Variants in EXOC2 observed in about 807,000 individuals in gnomAD.
EXOC2 encodes the protein SEC5-like 1.
EXOC2 carries 70 observed loss-of-function variants against 131.8 expected under a neutral mutation model. That is an observed-to-expected ratio of 0.53 (90% CI 0.44 to 0.65). EXOC2 has a LOEUF of 0.65. Ranked by LOEUF, EXOC2 falls within the 30% of genes least tolerant of loss-of-function variation. The pLI is 0.00. For synonymous variants in EXOC2, 411 were observed against 398.4 expected, an observed-to-expected ratio of 1.03 and a Z score of -0.38; for missense variants, 923 against 1,108.6, an observed-to-expected ratio of 0.83 and a Z score of 2.38.
chr6:535,879 G>C (rs1766414882), intron 22 of EXOC2, among the ~76,000 whole-genome samples: 2 of 152,056 alleles, frequency 1.3e-5, no homozygotes, highest in Admixed American at 1.3e-4. Context: ...CATGAACAAA[G>C]ACATAAAAAC....
intron 4 of EXOC2, among the ~76,000 whole-genome samples, chr6:628,130 G>A (rs558990752): frequency 2.6e-4 from 40 of 152,182 alleles, no homozygotes; most frequent in African/African-American, 8.7e-4. Context: ...TCCTCGCATC[G>A]ACCCTAAGGA....
At chr6:583,737 T>C (rs1212453000) in intron 11 of EXOC2, among the ~76,000 whole-genome samples, 1 of 152,220 alleles carries the variant, frequency 6.6e-6, no homozygotes, top group Non-Finnish European at 1.5e-5. Context: ...AAGCATTTCA[T>C]CTTCCAAAGA....
At chr6:607,552 T>C (rs1038754406) in intron 7 of EXOC2, among the ~76,000 whole-genome samples, 3 of 152,244 alleles carry the variant, frequency 2.0e-5, no homozygotes, top group Non-Finnish European at 2.9e-5. Context: ...ACACAGTAAC[T>C]ACCAGCCACA....
At chr6:623,380 G>A (rs1486903817) in intron 4 of EXOC2, among the ~76,000 whole-genome samples, 4 of 152,172 alleles carry the variant, frequency 2.6e-5, no homozygotes, top group Non-Finnish European at 4.4e-5. Flanking sequence ...CCCTAAGACG[G>A]AGCTGATTAT....
At chr6:557,600 A>G (rs1757484844) in intron 17 of EXOC2, among the ~76,000 whole-genome samples, 1 of 135,962 alleles carries the variant, frequency 7.4e-6, no homozygotes. Flanking sequence ...CCTGGGTGAC[A>G]GAGAGAGACT....
chr6:560,746 T>C (rs1301683761), intron 17 of EXOC2, among the ~76,000 whole-genome samples: 1 of 151,972 alleles, frequency 6.6e-6, no homozygotes, highest in Non-Finnish European at 1.5e-5. Flanking sequence ...TTGCTCTTGT[T>C]GCCCAGGCTG....
chr6:633,976 T>A (rs1452599069), intron 2 of EXOC2, among the ~76,000 whole-genome samples: 7 of 152,178 alleles, frequency 4.6e-5, no homozygotes. Context: ...TCCTTTAGAT[T>A]TTCCATTTCC....
chr6:663,367 C>CA (rs1763502143), intron 1 of EXOC2, among the ~76,000 whole-genome samples: 1 of 152,028 alleles, frequency 6.6e-6, no homozygotes, highest in African/African-American at 2.4e-5. Context: ...ACCAAACACT[C>CA]AAAGAATTGG....
At chr6:617,871 C>A (rs1306671457) in intron 5 of EXOC2, 36 bp from the exon 6 acceptor site, 3 of 1,598,378 alleles carry the variant, frequency 1.9e-6, no homozygotes, top group Admixed American at 1.8e-5. Flanking sequence ...TTTGACACTT[C>A]TAACATGCAA....
chr6:648,100 A>G (rs9504592), intron 1 of EXOC2, among the ~76,000 whole-genome samples: 2,800 of 152,302 alleles, frequency 0.018, 88 homozygotes, highest in African/African-American at 0.062. Context: ...ATTTACAAAT[A>G]TAAGAACATA....
At chr6:546,044 A>G (rs1291030992) in intron 22 of EXOC2, among the ~76,000 whole-genome samples, 2 of 152,172 alleles carry the variant, frequency 1.3e-5, no homozygotes, top group Non-Finnish European at 2.9e-5. Flanking sequence ...TAGGATATAT[A>G]AAGTCATGGT....
intron 1 of EXOC2, among the ~76,000 whole-genome samples, chr6:639,747 G>A (rs1311800349): frequency 6.6e-6 from 1 of 152,196 alleles, no homozygotes; most frequent in Non-Finnish European, 1.5e-5. Flanking sequence ...ACTCTAAGAT[G>A]TGGGAGGCGT....
chr6:602,396 C>T (rs1760145299), intron 7 of EXOC2, among the ~76,000 whole-genome samples: 1 of 33,738 alleles, frequency 3.0e-5, no homozygotes, highest in Non-Finnish European at 6.1e-5. Flanking sequence ...ACCAAGAACA[C>T]CCCGTGTGCG....
chr6:562,730 T>A, intron 17 of EXOC2, 54 bp downstream of exon 17: 1 of 1,261,126 alleles, frequency 7.9e-7, no homozygotes, highest in South Asian at 1.5e-5. Flanking sequence ...TATGATAAAC[T>A]ATTTATTTTA....
At chr6:538,698 C>T (rs545881549) in intron 22 of EXOC2, among the ~76,000 whole-genome samples, 1 of 152,344 alleles carries the variant, frequency 6.6e-6, no homozygotes, top group South Asian at 2.1e-4. Flanking sequence ...GATTTTCCCA[C>T]TTTACCAGGG....
chr6:529,123 C>T (rs796643382), intron 23 of EXOC2, among the ~76,000 whole-genome samples: 1 of 152,002 alleles, frequency 6.6e-6, no homozygotes, highest in African/African-American at 2.4e-5. Context: ...TTTACCCCCC[C>T]CCGCGCCCTG....
Position 673,600 on chromosome 6 carries a change from G to C in EXOC2, c.-44+19419C>G, listed in dbSNP as rs557599593. On this transcript the variant is annotated intron_variant, in intron 1 of 27. Transcript: ENST00000230449. Reference sequence around the variant, plus strand: ...TATGTTTTCAGAAGTACAGCATAATGCACCAAGGCCTCATTTACTAGATGC... The same window carrying C: ...TATGTTTTCAGAAGTACAGCATAATCCACCAAGGCCTCATTTACTAGATGC... Among the ~76,000 whole-genome samples the C allele has an allele frequency of 5.3e-5, 8 of 152,242 alleles. 1 individual carries two copies. The South Asian group carries it at 1.7e-3, about 32-fold the overall frequency.
intron 22 of EXOC2, among the ~76,000 whole-genome samples, chr6:534,705 G>A (rs2127543612): frequency 6.6e-6 from 1 of 152,348 alleles, no homozygotes; most frequent in Non-Finnish European, 1.5e-5. Flanking sequence ...CCCATGTAAT[G>A]AGAAAGGGCT....
At chr6:568,910 G>T (rs1477819302) in intron 13 of EXOC2, among the ~76,000 whole-genome samples, 4 of 152,148 alleles carry the variant, frequency 2.6e-5, no homozygotes, top group Non-Finnish European at 5.9e-5. Flanking sequence ...AAATGTACTG[G>T]ACAGTAATTT....
Sources: gnomAD v4.1 joint callset for allele counts (sites outside exome capture counted in the v4.1 genomes callset) on GRCh38, gnomAD v4.1.1 for gene constraint, MANE v1.5 for transcripts, NCBI Gene and HGNC (gene_info 2026-07-23, HGNC 2026-07-21) for gene names.